KLHL22: variants seen among roughly 807,000 people sequenced by gnomAD.
The protein encoded by KLHL22 is kelch like family member 22.
A neutral mutation model predicts 60.7 loss-of-function variants in KLHL22; 18 were observed. The ratio of observed to expected loss-of-function variants is 0.30; its 90% CI spans 0.20 to 0.44. The LOEUF (loss-of-function observed/expected upper bound fraction) is 0.44. Among genes scored for constraint, KLHL22 ranks in the 20% least tolerant of loss-of-function variants. The probability of loss-of-function intolerance (pLI) is 1.00; values close to 1 mark genes in which losing one functional copy is unlikely to be tolerated. For missense variants in KLHL22, 596 were observed against 852.3 expected (o/e 0.70, Z 3.74); for synonymous variants, 355 against 354.5 (o/e 1.00, Z -0.01).
At chr22:20,483,557 C>T in intron 2 of KLHL22, 1 of 725,698 alleles carries the variant, frequency 1.4e-6, no homozygotes, top group Admixed American at 1.7e-5. Flanking sequence ...TTGCGAAGCC[C>T]ATGTATGTCG....
At chr22:20,442,590 T>C in intron 6 of KLHL22, 152 bp from the exon 7 acceptor site, 2 of 989,348 alleles carry the variant, frequency 2.0e-6, no homozygotes, top group Non-Finnish European at 2.8e-6. Flanking sequence ...TGTTGAAACA[T>C]CCTGTCCATG....
At position 20,489,068 on chromosome 22, in the gene KLHL22, G is replaced by A. The variant is rs2053637340; in HGVS notation, c.144C>T (p.Ile48=). The part of the protein sequence containing the change: ...RGLLALRDSG[I]LFDVVLVVEG... ...CCACCACCAGCACAACATCGAAGAG[G>A]ATTCCGCTGTCCCGGAGAGCCAGCA... The change falls in exon 2 of 7, where the codon ATC becomes ATT. Residue 48 remains isoleucine, a synonymous_variant. Coordinates refer to ENST00000328879, the MANE Select transcript of KLHL22 (RefSeq NM_032775.4). 5 of 1,613,974 alleles carry A rather than the reference G, an allele frequency of 3.1e-6. No homozygotes were observed. In the African/African-American group the frequency reaches 5.3e-5, roughly 17 times the overall value.
At chr22:20,477,991 C>A (rs1317525115) in intron 2 of KLHL22, among the ~76,000 whole-genome samples, 2 of 152,158 alleles carry the variant, frequency 1.3e-5, no homozygotes, top group South Asian at 4.1e-4. Context: ...GTCATGATAT[C>A]TATAACTTAC....
At chr22:20,491,821 T>C (rs1440974057) in intron 1 of KLHL22, 1 of 152,266 alleles carries the variant, frequency 6.6e-6, no homozygotes, top group African/African-American at 2.4e-5. Flanking sequence ...GCTCTACTGC[T>C]TCCCATCAAA....
intron 5 of KLHL22, among the ~76,000 whole-genome samples, chr22:20,453,639 C>A (rs1027516340): frequency 1.3e-5 from 2 of 152,078 alleles, no homozygotes; most frequent in Non-Finnish European, 2.9e-5. Flanking sequence ...AGTTCCTTTG[C>A]CTTTATATAT....
chr22:20,492,734 C>T (rs559069023), intron 1 of KLHL22, among the ~76,000 whole-genome samples: 4 of 152,206 alleles, frequency 2.6e-5, no homozygotes, highest in South Asian at 2.1e-4. Context: ...GGATTACAGG[C>T]GTGCACCACC....
chr22:20,464,723 C>T lies in KLHL22; in HGVS notation c.1112+135G>A, dbSNP rs563323429. ...CTGCTGTCCACCTTCTCTGAATTCACCTAGACTTCATTCCACAATGGCAAG... is the reference window on the plus strand; with the variant it reads ...CTGCTGTCCACCTTCTCTGAATTCATCTAGACTTCATTCCACAATGGCAAG... On this transcript the variant is annotated intron_variant, in intron 4 of 6. Transcript: ENST00000328879. 1.7e-5 allele frequency: 11 copies of T among 636,976 alleles called. No individual in the cohort carries two copies. The South Asian group carries it at 2.3e-4, about 13-fold the overall frequency. The allele number at this position is 636,976 out of a possible 1,614,324, so 39.5% of individuals were successfully genotyped here. A position where few individuals can be genotyped will look rare whatever the true frequency, so the allele number is the denominator to read the frequency against.
rs75249336 is a variant in KLHL22, at chr22:20,446,767, G to T, written c.1306-91C>A. The T allele has an allele frequency of 2.3e-3, 2,066 of 900,804 alleles. 33 individuals carry two copies. The African/African-American group carries it at 0.028, about 12-fold the overall frequency. 55.8% of individuals were successfully genotyped at this position (900,804 alleles called of 1,614,324 possible). A position where few individuals can be genotyped will look rare whatever the true frequency, so the allele number is the denominator to read the frequency against. ...CAAGGCCAATCACCACCCCACACCTGCCTGACAACGCTGTGAGGCTTCACC... is the reference window on the plus strand; with the variant it reads ...CAAGGCCAATCACCACCCCACACCTTCCTGACAACGCTGTGAGGCTTCACC... On this transcript the variant is annotated intron_variant, in intron 5 of 6. Transcript: ENST00000328879.
At chr22:20,448,732 C>T (rs1019554832) in intron 5 of KLHL22, among the ~76,000 whole-genome samples, 1 of 152,026 alleles carries the variant, frequency 6.6e-6, no homozygotes, top group Non-Finnish European at 1.5e-5. Context: ...GCCTGGCTAA[C>T]GTATACAGAG....
chr22:20,463,066 A>G (rs755643289), intron 4 of KLHL22, among the ~76,000 whole-genome samples: 3 of 152,202 alleles, frequency 2.0e-5, no homozygotes, highest in African/African-American at 7.2e-5. Context: ...AGAATATTCA[A>G]ATTAAGGATT....
chr22:20,475,631 G>A (rs995460255), intron 2 of KLHL22, among the ~76,000 whole-genome samples: 2 of 151,254 alleles, frequency 1.3e-5, no homozygotes, highest in Non-Finnish European at 2.9e-5. Flanking sequence ...GCGCGATCTC[G>A]GCTCACCACA....
At chr22:20,450,801 C>T in intron 5 of KLHL22, 1 of 1,455,820 alleles carries the variant, frequency 6.9e-7, no homozygotes, top group South Asian at 1.1e-5. Context: ...CCCTGCTAAC[C>T]CTCAGGTATA....
chr22:20,495,100 G>A lies in KLHL22; in HGVS notation c.-34+660C>T, dbSNP rs1290176410. Among the ~76,000 whole-genome samples, 1 of 152,224 alleles carries A rather than the reference G, an allele frequency of 6.6e-6. No individual in the cohort carries two copies. ...TCTTGGAGGCACTCGGCCCCGCGGA[G>A]GGCCGGAGCGAGGGCGCCCAGTGAG... On this transcript the variant is annotated intron_variant, in intron 1 of 6. Coordinates refer to ENST00000328879, the MANE Select transcript of KLHL22 (RefSeq NM_032775.4). The surrounding 1 kb of genome is among the most constrained non-coding windows in gnomAD (Gnocchi z 4.6).
At position 20,465,499 on chromosome 22, in the gene KLHL22, C is replaced by T; in HGVS notation, c.471G>A (p.Arg157=). 6.2e-7 allele frequency: 1 copy of T among 1,611,984 alleles called. No individual in the cohort carries two copies. Among genetic ancestry groups the T allele is most frequent in the Non-Finnish European group, 8.5e-7 (1 of 1,178,066 alleles). ...VDEENILDVY[R]LAELFDLSRL... is the part of the protein sequence containing the mutation. ...GGCTCAAGTCAAACAGCTCTGCCAG[C>T]CGGTAGACATCGAGAATGTTCTCTT... is the stretch of plus-strand genomic sequence containing the variant. Residue 157 remains arginine, a synonymous_variant, in exon 4 of 7, where the codon CGG becomes CGA. Coordinates refer to ENST00000328879, the MANE Select transcript of KLHL22 (RefSeq NM_032775.4). This position sits in a 1 kb window ranked among gnomAD's most constrained non-coding sequence, Gnocchi z 4.9.
chr22:20,458,772 T>A (rs572817142), intron 4 of KLHL22, among the ~76,000 whole-genome samples: 1 of 152,030 alleles, frequency 6.6e-6, no homozygotes. Flanking sequence ...CACACAAGGC[T>A]CTGGTCATCG....
chr22:20,480,061 A>T (rs2053474254), intron 2 of KLHL22, among the ~76,000 whole-genome samples: 1 of 152,252 alleles, frequency 6.6e-6, no homozygotes, highest in African/African-American at 2.4e-5. Flanking sequence ...AACACACATG[A>T]ACCTTAAGGA....
In KLHL22 at chr22:20,465,510, C is replaced by T. The variant is rs770673741; in HGVS notation, c.460G>A (p.Asp154Asn). ...AACAGCTCTGCCAGCCGGTAGACAT[C>T]GAGAATGTTCTCTTCGTCCACCCAG... Reference protein sequence around the residue: ...MSWVDEENILDVYRLAELFDL... With the variant: ...MSWVDEENILNVYRLAELFDL... Residue 154 changes from aspartate (D) to asparagine (N), a missense_variant, in exon 4 of 7, where the codon GAT becomes AAT. Asp to Asn is a conservative substitution (Grantham distance 23). Transcript: ENST00000328879. The surrounding 1 kb of genome is among the most constrained non-coding windows in gnomAD (Gnocchi z 4.9). 5.6e-6 allele frequency: 9 copies of T among 1,610,786 alleles called. No homozygotes were observed. The highest frequency in any genetic ancestry group is 5.5e-5 in the South Asian group (5 of 91,000).
At chr22:20,470,109 T>C (rs1311009399) in intron 3 of KLHL22, among the ~76,000 whole-genome samples, 1 of 151,742 alleles carries the variant, frequency 6.6e-6, no homozygotes, top group African/African-American at 2.4e-5. Flanking sequence ...GAAGCCAAGG[T>C]GGGAGTATCA....
chr22:20,469,779 T>C (rs1052208989), intron 3 of KLHL22, among the ~76,000 whole-genome samples: 37 of 466 alleles, frequency 0.079, no homozygotes, highest in African/African-American at 0.19. Flanking sequence ...ACTTGAGTTG[T>C]TTTTTTTTAA....
Sources: gnomAD v4.1 joint callset for allele counts (sites outside exome capture counted in the v4.1 genomes callset) on GRCh38, gnomAD v4.1.1 for gene constraint, Gnocchi (gnomAD v3.1) non-coding constraint, MANE v1.5 for transcripts, NCBI Gene and HGNC (gene_info 2026-07-23, HGNC 2026-07-21) for gene names.